The following SLC22A3 variants were observed in gnomAD, a reference collection of about 807,000 sequenced individuals.
SLC22A3 encodes the protein solute carrier family 22 member 3, also known as EMT organic cation transporter 3.
In SLC22A3, 51 loss-of-function variants were observed where a neutral mutation model predicts 59.1. The ratio of observed to expected loss-of-function variants is 0.86; its 90% CI spans 0.69 to 1.09. The LOEUF is 1.09. SLC22A3 is among the 50% of genes least tolerant of loss of function. SLC22A3 has a pLI of 0.00. For synonymous variants in SLC22A3, 325 were observed against 292.0 expected, an observed-to-expected ratio of 1.11 and a Z score of -1.15; for missense variants, 711 against 726.3, an observed-to-expected ratio of 0.98 and a Z score of 0.24.
At chr6:160,411,579 GAA>G (rs879675516) in intron 5 of SLC22A3, among the ~76,000 whole-genome samples, 6 of 151,932 alleles carry the variant, frequency 3.9e-5, no homozygotes, top group Non-Finnish European at 8.8e-5. Context: ...TCTACAAATA[GAA>G]AGTTTTAAAA....
intron 1 of SLC22A3, among the ~76,000 whole-genome samples, chr6:160,389,915 C>T (rs926515457): frequency 1.3e-5 from 2 of 152,122 alleles, no homozygotes; most frequent in African/African-American, 4.8e-5. Flanking sequence ...TGAAGTCTAA[C>T]GTGGTTGGCC....
intron 1 of SLC22A3, among the ~76,000 whole-genome samples, chr6:160,385,014 C>T (rs768412993): frequency 7.9e-5 from 12 of 152,244 alleles, no homozygotes; most frequent in Non-Finnish European, 1.6e-4. Context: ...TGCCAGTGGG[C>T]AGCTCCCTGC....
At chr6:160,425,858 A>G in intron 5 of SLC22A3, 1 of 985,394 alleles carries the variant, frequency 1.0e-6, no homozygotes. Context: ...CAGATTAATT[A>G]CCATGGCCCA....
intron 1 of SLC22A3, among the ~76,000 whole-genome samples, chr6:160,363,379 A>G (rs1285129182): frequency 1.3e-5 from 2 of 152,204 alleles, no homozygotes; most frequent in African/African-American, 4.8e-5. Context: ...CAGGAAGCTC[A>G]GAGTCCAGGC....
At chr6:160,387,950 G>T (rs1189293879) in intron 1 of SLC22A3, among the ~76,000 whole-genome samples, 1 of 152,144 alleles carries the variant, frequency 6.6e-6, no homozygotes, top group Non-Finnish European at 1.5e-5. Flanking sequence ...CAACCAGCAA[G>T]AAAATGGGGG....
rs1788597634 is a variant in SLC22A3, at chr6:160,442,792, A to G, written c.1320A>G (p.Thr440=). The G allele has an allele frequency of 6.2e-7, 1 of 1,613,950 alleles. No homozygotes were observed. Among genetic ancestry groups the G allele is most frequent in the Non-Finnish European group, 8.5e-7 (1 of 1,179,940 alleles). ...CATGGTTGAGGACCACAGTGGCTACATTGGGAAGACTAGGGATAACCATGG... is the reference window on the plus strand; with the variant it reads ...CATGGTTGAGGACCACAGTGGCTACGTTGGGAAGACTAGGGATAACCATGG... ...GIAWLRTTVA[T]LGRLGITMAF... The change falls in exon 8 of 11, where the codon ACA becomes ACG. Residue 440 remains threonine (T), a synonymous_variant. Transcript: ENST00000275300.
intron 1 of SLC22A3, 100 bp downstream of exon 1, chr6:160,348,948 G>A (rs1784570281): frequency 6.5e-7 from 1 of 1,529,420 alleles, no homozygotes; most frequent in Non-Finnish European, 8.7e-7. Flanking sequence ...GGGGAGGTCG[G>A]TGGAGACGGG....
At chr6:160,379,736 G>A (rs771154404) in intron 1 of SLC22A3, among the ~76,000 whole-genome samples, 1 of 152,108 alleles carries the variant, frequency 6.6e-6, no homozygotes, top group African/African-American at 2.4e-5. Flanking sequence ...TTTCTGATTT[G>A]TATTTCATTT....
At chr6:160,437,770 A>G (rs1206424506) in intron 7 of SLC22A3, among the ~76,000 whole-genome samples, 3 of 152,254 alleles carry the variant, frequency 2.0e-5, no homozygotes, top group African/African-American at 7.2e-5. Flanking sequence ...GGGATTCAAG[A>G]AAAGCTTCCC....
At chr6:160,438,067 C>T (rs918789790) in intron 7 of SLC22A3, among the ~76,000 whole-genome samples, 1 of 152,096 alleles carries the variant, frequency 6.6e-6, no homozygotes, top group Non-Finnish European at 1.5e-5. Flanking sequence ...GGGGGAGATG[C>T]TGAGAGCAGG....
chr6:160,368,481 CCACGCTTAAACCTGCTTAAGTTCACCTG>C (rs1785283514), intron 1 of SLC22A3, among the ~76,000 whole-genome samples: 1 of 152,132 alleles, frequency 6.6e-6, no homozygotes, highest in Non-Finnish European at 1.5e-5. Context: ...GTTCACCTGT[CCACGCTTAAACCTGCTTAAGTTCACCTG>C]CTATTTAAAG....
intron 1 of SLC22A3, among the ~76,000 whole-genome samples, chr6:160,363,823 T>G (rs186616350): frequency 0.031 from 4,730 of 151,510 alleles, 233 homozygotes; most frequent in African/African-American, 0.11. Flanking sequence ...GTCTGTGGGG[T>G]TTTTCCTTGA....
At chr6:160,351,724 G>A (rs541824484) in intron 1 of SLC22A3, among the ~76,000 whole-genome samples, 1 of 152,258 alleles carries the variant, frequency 6.6e-6, no homozygotes, top group African/African-American at 2.4e-5. Flanking sequence ...CAAAGTGGGC[G>A]GGATGACCAG....
chr6:160,427,902 G>A (rs920550443), intron 5 of SLC22A3, among the ~76,000 whole-genome samples: 1 of 152,054 alleles, frequency 6.6e-6, no homozygotes, highest in Non-Finnish European at 1.5e-5. Flanking sequence ...TTCTATTTCC[G>A]TGATGACTGT....
chr6:160,387,824 G>A (rs1786083308), intron 1 of SLC22A3, among the ~76,000 whole-genome samples: 1 of 152,162 alleles, frequency 6.6e-6, no homozygotes, highest in Non-Finnish European at 1.5e-5. Flanking sequence ...TCCCAGAATA[G>A]CATGTGCATT....
intron 1 of SLC22A3, among the ~76,000 whole-genome samples, chr6:160,363,288 C>T (rs915308101): frequency 2.0e-5 from 3 of 152,224 alleles, no homozygotes; most frequent in East Asian, 1.9e-4. Context: ...GGCCTAGTCT[C>T]GCTTCTGTCG....
intron 5 of SLC22A3, among the ~76,000 whole-genome samples, chr6:160,432,564 A>G (rs1788190884): frequency 2.0e-5 from 3 of 151,634 alleles, no homozygotes; most frequent in South Asian, 4.2e-4. Context: ...AGTAGCTGGG[A>G]TTACAGATGC....
Position 160,433,850 on chromosome 6 carries a change from T to C in SLC22A3, c.976-2930T>C, listed in dbSNP as rs577468703. On this transcript the variant is annotated intron_variant, in intron 5 of 10. Coordinates refer to ENST00000275300, the MANE Select transcript of SLC22A3 (RefSeq NM_021977.4). ...TGAGTGAGAGTGAATTTGTTCACAC[T>C]CATAGCTAGTGGATAGAAGTCATAG... 2.6e-5 allele frequency among the ~76,000 whole-genome samples: 4 copies of C among 152,320 alleles called. No homozygotes were observed. In the South Asian group the frequency reaches 8.3e-4, roughly 32 times the overall value.
intron 1 of SLC22A3, among the ~76,000 whole-genome samples, chr6:160,369,285 A>C (rs1401091755): frequency 2.6e-5 from 4 of 152,258 alleles, no homozygotes; most frequent in Non-Finnish European, 5.9e-5. Context: ...TAGTTATTCT[A>C]AAATGGATAT....
Sources: gnomAD v4.1 joint callset for allele counts (sites outside exome capture counted in the v4.1 genomes callset) on GRCh38, gnomAD v4.1.1 for gene constraint, MANE v1.5 for transcripts, NCBI Gene and HGNC (gene_info 2026-07-23, HGNC 2026-07-21) for gene names.